The following BMS1 variants were observed in gnomAD, a reference collection of about 807,000 sequenced individuals.
BMS1 encodes ribosome biogenesis protein BMS1 homolog.
Under a neutral mutation model 138.7 loss-of-function variants are expected in BMS1, and 53 were observed. That is an observed-to-expected ratio of 0.38 (90% CI 0.31 to 0.48). BMS1 has a LOEUF of 0.48. Ranked by LOEUF, BMS1 falls within the 20% of genes least tolerant of loss-of-function variation. The pLI is 0.97. For synonymous variants in BMS1, 504 were observed against 539.9 expected (o/e 0.93, Z 0.92); for missense variants, 1,360 against 1,565.5 (o/e 0.87, Z 2.22).
At chr10:42,793,322 C>A (rs572035967) in intron 8 of BMS1, among the ~76,000 whole-genome samples, 178 bp downstream of exon 8, 2 of 150,510 alleles carry the variant, frequency 1.3e-5, no homozygotes, top group East Asian at 3.9e-4. Context: ...CTTTTTTTTT[C>A]ATTGTACCAA....
intron 4 of BMS1, among the ~76,000 whole-genome samples, chr10:42,788,135 T>C (rs905086785): frequency 2.6e-5 from 4 of 152,184 alleles, no homozygotes; most frequent in Admixed American, 6.5e-5. Context: ...GTTGTGCCAT[T>C]GTAATGTCAG....
intron 13 of BMS1, among the ~76,000 whole-genome samples, chr10:42,809,688 A>G (rs916545775): frequency 2.0e-5 from 3 of 152,178 alleles, no homozygotes; most frequent in Non-Finnish European, 4.4e-5. Flanking sequence ...ATTTACTAAC[A>G]TGATTGGATG....
rs748133252 is a variant in BMS1, at chr10:42,823,742, C to G, written c.3414C>G (p.Ala1138=). The change falls in exon 21 of 23, where the codon GCC becomes GCG. Residue 1138 remains alanine, a synonymous_variant. Transcript: ENST00000374518. ...GGACCACGGGCCAACTCAGGCTCGC[C>G]CATGGCGTCAGACTAAAGGCGAACA... ...GMRTTGQLRL[A]HGVRLKANKD... 1 of 1,595,508 alleles carries G rather than the reference C, an allele frequency of 6.3e-7. No individual in the cohort carries two copies. Among genetic ancestry groups the G allele is most frequent in the East Asian group, 2.2e-5 (1 of 44,856 alleles).
intron 13 of BMS1, among the ~76,000 whole-genome samples, chr10:42,808,360 G>A (rs530661653): frequency 5.3e-5 from 8 of 151,262 alleles, no homozygotes; most frequent in East Asian, 3.9e-4. Flanking sequence ...GTGCAGTGGC[G>A]CGATCTCCAC....
intron 9 of BMS1, among the ~76,000 whole-genome samples, chr10:42,795,214 C>T (rs1304389081): frequency 2.0e-5 from 3 of 152,092 alleles, no homozygotes; most frequent in Non-Finnish European, 4.4e-5. Context: ...AATAGTGCGG[C>T]AATAAACATA....
At chr10:42,786,085 A>G (rs1216173308) in intron 3 of BMS1, among the ~76,000 whole-genome samples, 2 of 152,120 alleles carry the variant, frequency 1.3e-5, no homozygotes, top group East Asian at 1.9e-4. Flanking sequence ...AATGTTCACT[A>G]TGTCTTATCC....
intron 9 of BMS1, among the ~76,000 whole-genome samples, chr10:42,794,619 G>A (rs1197595807): frequency 2.0e-5 from 3 of 150,778 alleles, no homozygotes; most frequent in Non-Finnish European, 2.9e-5. Flanking sequence ...CGAAGTGTTC[G>A]CCGAAAGATC....
chr10:42,822,655 T>C (rs1479189463), intron 19 of BMS1, among the ~76,000 whole-genome samples: 1 of 152,214 alleles, frequency 6.6e-6, no homozygotes, highest in Non-Finnish European at 1.5e-5. Context: ...TATTGAGAAT[T>C]TCATTAGTGG....
Position 42,820,482 on chromosome 10 carries a change from A to T in BMS1, c.2770-26A>T, listed in dbSNP as rs758084924. 6 of 1,611,458 alleles carry T rather than the reference A, an allele frequency of 3.7e-6. No individual in the cohort carries two copies. The Admixed American group carries it at 8.3e-5, about 22-fold the overall frequency. ...GGCTCTGTGGATTTCCCCTCCATCA[A>T]TCATCTTACCCTCTCGTCCCCTCAG... On this transcript the variant is annotated intron_variant, in intron 16 of 22. Coordinates refer to ENST00000374518, the MANE Select transcript of BMS1 (RefSeq NM_014753.4).
Position 42,831,786 on chromosome 10 carries a change from G to GT in BMS1, c.*691dup, listed in dbSNP as rs1253068949. 6.6e-6 allele frequency: 1 copy of GT among 152,252 alleles called. No individual in the cohort carries two copies. Among genetic ancestry groups the GT allele is most frequent in the Non-Finnish European group, 1.5e-5 (1 of 68,106 alleles). The allele number at this position is 152,252 out of a possible 1,614,324, so 9.4% of individuals were successfully genotyped here. A position where few individuals can be genotyped will look rare whatever the true frequency, so the allele number is the denominator to read the frequency against. The stretch of plus-strand genomic sequence containing the variant: ...GGTGCAGAGACCAAGGAAATCGTAT[G>GT]TATCAGTGAGATAGGCTTCCCGTAT... On this transcript the variant is annotated 3_prime_UTR_variant, in exon 23 of 23. Transcript: ENST00000374518.
intron 21 of BMS1, among the ~76,000 whole-genome samples, chr10:42,825,113 A>T (rs1311355074): frequency 6.6e-6 from 1 of 152,078 alleles, no homozygotes; most frequent in African/African-American, 2.4e-5. Context: ...GATTCAAGCA[A>T]TTCTCCTGCC....
At chr10:42,797,566 T>C (rs760232722) in intron 11 of BMS1, 43 bp downstream of exon 11, 6 of 1,577,114 alleles carry the variant, frequency 3.8e-6, no homozygotes, top group Non-Finnish European at 5.2e-6. Flanking sequence ...TTAGTTTCTC[T>C]GATTATTTAG....
chr10:42,831,342 C>G lies in BMS1; in HGVS notation c.*246C>G, dbSNP rs1842796316. ...GTTATGTGGATTCTCTTACTTTCCT[C>G]TGCCTGCCTCAGTTTAATTATTTTG... On this transcript the variant is annotated 3_prime_UTR_variant, in exon 23 of 23. Coordinates refer to ENST00000374518, the MANE Select transcript of BMS1 (RefSeq NM_014753.4). 2 of 422,104 alleles carry G rather than the reference C, an allele frequency of 4.7e-6. No individual in the cohort carries two copies. Among genetic ancestry groups the G allele is most frequent in the Non-Finnish European group, 8.4e-6 (2 of 237,056 alleles). The allele number at this position is 422,104 out of a possible 1,614,324, so 26.1% of individuals were successfully genotyped here. A position where few individuals can be genotyped will look rare whatever the true frequency, so the allele number is the denominator to read the frequency against.
chr10:42,786,571 T>C (rs943846395), intron 3 of BMS1, among the ~76,000 whole-genome samples: 2 of 151,526 alleles, frequency 1.3e-5, no homozygotes, highest in African/African-American at 4.8e-5. Context: ...CACGCCTGGC[T>C]AATTTTTCTT....
At chr10:42,791,983 T>C (rs374831973) in intron 6 of BMS1, among the ~76,000 whole-genome samples, 7 of 152,186 alleles carry the variant, frequency 4.6e-5, no homozygotes, top group Admixed American at 3.9e-4. Context: ...TGGGAGAACT[T>C]GGAAGTATTT....
Position 42,820,217 on chromosome 10 carries a change from T to A in BMS1, c.2581-19T>A. 6.2e-7 allele frequency: 1 copy of A among 1,606,432 alleles called. No homozygotes were observed. Among genetic ancestry groups the A allele is most frequent in the African/African-American group, 1.3e-5 (1 of 74,970 alleles). On this transcript the variant is annotated intron_variant, in intron 15 of 22. Coordinates refer to ENST00000374518, the MANE Select transcript of BMS1 (RefSeq NM_014753.4). ...ACAGATAACAGCATACAGGTTTTTT[T>A]ATTCCCCATCATGTACAGCTGAATC...
chr10:42,795,832 C>T (rs1414479853), intron 9 of BMS1, among the ~76,000 whole-genome samples: 5 of 152,162 alleles, frequency 3.3e-5, no homozygotes, highest in African/African-American at 9.7e-5. Flanking sequence ...ATTCCTCCTA[C>T]GTTTGTTAGC....
In BMS1 at chr10:42,796,417, C is replaced by T. The variant is rs1841682924; in HGVS notation, c.1230-57C>T. On this transcript the variant is annotated intron_variant, in intron 9 of 22. Transcript: ENST00000374518. ...ATTTTCATTGACTATATTGCCATTT[C>T]TAGATTAGCTGATTAATGTACAAAT... 1.8e-5 allele frequency: 27 copies of T among 1,518,904 alleles called. No homozygotes were observed. In the South Asian group the frequency reaches 3.2e-4, roughly 18 times the overall value. 94.1% of individuals were successfully genotyped at this position (1,518,904 alleles called of 1,614,324 possible).
At position 42,793,031 on chromosome 10, in the gene BMS1, C is replaced by A. The variant is rs745427494; in HGVS notation, c.976C>A (p.Arg326Ser). The A allele has an allele frequency of 6.2e-7, 1 of 1,613,892 alleles. No homozygotes were observed. The highest frequency in any genetic ancestry group is 1.3e-5 in the African/African-American group (1 of 74,900). The change falls in exon 8 of 23, where the codon CGC (arginine) becomes AGC (serine). Residue 326 changes from arginine to serine, a missense_variant. By Grantham distance (110) the Arg-to-Ser change is moderately radical. Around this residue, in one of 3 missense-constraint regions of BMS1, gnomAD observed 697 missense variants for 686.2 expected, o/e 1.02. Transcript: ENST00000374518. The part of the protein sequence containing the change: ...PCALPEQQKK[R>S]CLNEKEKLVY... Reference sequence around the variant, plus strand: ...CGCTCTTCCTGAACAACAAAAGAAGCGCTGTTTAAATGAGAAGGAGAAGCT... The same window carrying A: ...CGCTCTTCCTGAACAACAAAAGAAGAGCTGTTTAAATGAGAAGGAGAAGCT...
Sources: allele counts gnomAD v4.1 joint callset (sites outside exome capture counted in the v4.1 genomes callset), GRCh38; gene constraint gnomAD v4.1.1; regional missense constraint gnomAD v4.1.1; transcripts MANE v1.5; gene names NCBI Gene and HGNC (gene_info 2026-07-23, HGNC 2026-07-21).